Variants in GABRB1 observed in about 807,000 individuals in gnomAD.
GABRB1 encodes gamma-aminobutyric acid receptor subunit beta-1.
A neutral mutation model predicts 51.6 loss-of-function variants in GABRB1; 17 were observed. That is an observed-to-expected ratio of 0.33 (90% CI 0.23 to 0.49). The LOEUF is 0.49. Among genes scored for constraint, GABRB1 ranks in the 20% least tolerant of loss-of-function variants. GABRB1 has a pLI of 0.99. For missense variants in GABRB1, 410 were observed against 600.6 expected, an observed-to-expected ratio of 0.68 and a Z score of 3.32; for synonymous variants, 247 against 218.9, an observed-to-expected ratio of 1.13 and a Z score of -1.14.
At chr4:47,138,627 T>C (rs1273499787) in intron 3 of GABRB1, among the ~76,000 whole-genome samples, 1 of 152,094 alleles carries the variant, frequency 6.6e-6, no homozygotes, top group African/African-American at 2.4e-5. Context: ...TGCAAGAAAC[T>C]ATAAAGACAT....
At chr4:47,290,762 C>G (rs1447047617) in intron 4 of GABRB1, among the ~76,000 whole-genome samples, 1 of 152,042 alleles carries the variant, frequency 6.6e-6, no homozygotes, top group African/African-American at 2.4e-5. Context: ...CCCTAGAGAT[C>G]GGTGGAACTG....
chr4:47,052,990 C>T (rs1466896306), intron 3 of GABRB1, among the ~76,000 whole-genome samples: 1 of 152,110 alleles, frequency 6.6e-6, no homozygotes, highest in Non-Finnish European at 1.5e-5. Context: ...GCTGGGTTCT[C>T]CTGAGACACT....
chr4:47,265,311 GATATAT>G (rs140701483), intron 4 of GABRB1, among the ~76,000 whole-genome samples: 6 of 151,334 alleles, frequency 4.0e-5, no homozygotes, highest in African/African-American at 1.5e-4. Flanking sequence ...AGTATTCCAT[GATATAT>G]ATATATACAT....
At chr4:47,148,248 G>T (rs149444332) in intron 3 of GABRB1, among the ~76,000 whole-genome samples, 2 of 152,104 alleles carry the variant, frequency 1.3e-5, no homozygotes, top group African/African-American at 4.8e-5. Context: ...TGAGAATGAG[G>T]GTGGAGATGG....
At chr4:47,011,970 A>T (rs1014459665) in intron 1 of GABRB1, among the ~76,000 whole-genome samples, 12 of 152,172 alleles carry the variant, frequency 7.9e-5, no homozygotes, top group Non-Finnish European at 1.6e-4. Context: ...TTAAATTCTA[A>T]CATTTGTCAA....
intron 4 of GABRB1, among the ~76,000 whole-genome samples, chr4:47,266,108 ATTT>A (rs1244528543): frequency 6.6e-6 from 1 of 152,062 alleles, no homozygotes; most frequent in Non-Finnish European, 1.5e-5. Flanking sequence ...ATCTTGAATT[ATTT>A]TTGTATATAC....
intron 1 of GABRB1, among the ~76,000 whole-genome samples, chr4:47,002,730 C>T (rs546597651): frequency 1.4e-4 from 22 of 152,156 alleles, no homozygotes; most frequent in Non-Finnish European, 2.9e-4. Context: ...CCAAACAAAT[C>T]TGTGAATCCT....
At chr4:47,357,157 G>A (rs1686877826) in intron 5 of GABRB1, among the ~76,000 whole-genome samples, 1 of 152,136 alleles carries the variant, frequency 6.6e-6, no homozygotes, top group Non-Finnish European at 1.5e-5. Flanking sequence ...TTCATAGGCA[G>A]TAAAATAATG....
At chr4:47,317,148 G>A (rs1457163867) in intron 4 of GABRB1, among the ~76,000 whole-genome samples, 4 of 151,926 alleles carry the variant, frequency 2.6e-5, no homozygotes, top group Admixed American at 2.0e-4. Context: ...GTGCATGGTA[G>A]GATGTTTAAC....
chr4:46,998,278 A>G (rs1724064924), intron 1 of GABRB1, among the ~76,000 whole-genome samples: 1 of 152,194 alleles, frequency 6.6e-6, no homozygotes, highest in Non-Finnish European at 1.5e-5. Context: ...ATTTTAGATT[A>G]TTAATTATTT....
At chr4:47,076,519 CA>C (rs1413237012) in intron 3 of GABRB1, among the ~76,000 whole-genome samples, 1 of 152,158 alleles carries the variant, frequency 6.6e-6, no homozygotes, top group Non-Finnish European at 1.5e-5. Flanking sequence ...AAACTCATCC[CA>C]AAGCGGCTCT....
upstream of GABRB1, among the ~76,000 whole-genome samples, chr4:47,029,280 T>C (rs994591047): frequency 2.0e-5 from 3 of 151,994 alleles, no homozygotes; most frequent in Non-Finnish European, 4.4e-5. Flanking sequence ...TAGATCAATT[T>C]ATATGTCTAC....
chr4:47,304,811 T>C (rs1009686577), intron 4 of GABRB1, among the ~76,000 whole-genome samples: 1 of 152,070 alleles, frequency 6.6e-6, no homozygotes, highest in African/African-American at 2.4e-5. Context: ...CCAGAAAATA[T>C]TAATTTTTAA....
At chr4:47,071,601 C>CAATACCTGA (rs1727338302) in intron 3 of GABRB1, among the ~76,000 whole-genome samples, 1 of 151,838 alleles carries the variant, frequency 6.6e-6, no homozygotes, top group South Asian at 2.1e-4. Context: ...TAGAACTTAC[C>CAATACCTGA]AATACCTGAA....
chr4:47,101,894 C>T (rs1002644421), intron 3 of GABRB1, among the ~76,000 whole-genome samples: 10 of 151,940 alleles, frequency 6.6e-5, no homozygotes, highest in Non-Finnish European at 1.5e-4. Context: ...AGATGGGTGC[C>T]CATTTTTTCT....
chr4:47,339,465 C>T (rs569271646), intron 5 of GABRB1, among the ~76,000 whole-genome samples: 1 of 152,132 alleles, frequency 6.6e-6, no homozygotes, highest in African/African-American at 2.4e-5. Flanking sequence ...TATCAATCTC[C>T]ACTAATTATT....
intron 3 of GABRB1, among the ~76,000 whole-genome samples, chr4:47,117,045 A>C (rs766194812): frequency 1.5e-4 from 23 of 152,252 alleles, no homozygotes; most frequent in Middle Eastern, 3.4e-3. Flanking sequence ...CATTCCTCCA[A>C]CACTGAAGAT....
chr4:47,389,947 A>T (rs1727928127), intron 5 of GABRB1, among the ~76,000 whole-genome samples: 2 of 152,186 alleles, frequency 1.3e-5, no homozygotes, highest in Non-Finnish European at 1.5e-5. Context: ...GCTGATTTTG[A>T]GTGTCATTTA....
At chr4:47,292,265 G>A (rs1723773650) in intron 4 of GABRB1, among the ~76,000 whole-genome samples, 1 of 152,148 alleles carries the variant, frequency 6.6e-6, no homozygotes, top group African/African-American at 2.4e-5. Flanking sequence ...CACCATGATT[G>A]TGAGGCATCC....
Sources: gnomAD v4.1 joint callset for allele counts (sites outside exome capture counted in the v4.1 genomes callset) on GRCh38, gnomAD v4.1.1 for gene constraint, MANE v1.5 for transcripts, NCBI Gene and HGNC (gene_info 2026-07-23, HGNC 2026-07-21) for gene names.